The following COMMD10 variants were observed in gnomAD, a reference collection of about 807,000 sequenced individuals.
COMMD10 encodes the protein COMM domain-containing protein 10.
A neutral mutation model predicts 28.9 loss-of-function variants in COMMD10; 33 were observed. The ratio of observed to expected loss-of-function variants is 1.14; its 90% CI spans 0.87 to 1.53. The LOEUF (loss-of-function observed/expected upper bound fraction) is 1.53. COMMD10 is among the 40% of genes most tolerant of loss of function. The pLI is 0.00. For synonymous variants in COMMD10, 110 were observed against 81.7 expected, an observed-to-expected ratio of 1.35 and a Z score of -1.87; for missense variants, 310 against 233.4, an observed-to-expected ratio of 1.33 and a Z score of -2.14.
At chr5:116,202,009 G>A (rs964998009) in intron 5 of COMMD10, among the ~76,000 whole-genome samples, 5 of 151,142 alleles carry the variant, frequency 3.3e-5, no homozygotes, top group Non-Finnish European at 7.4e-5. Flanking sequence ...CTAGCATTAG[G>A]TATATCTCCT....
At chr5:116,283,070 C>T (rs1278353929) in intron 5 of COMMD10, among the ~76,000 whole-genome samples, 1 of 151,914 alleles carries the variant, frequency 6.6e-6, no homozygotes, top group East Asian at 1.9e-4. Flanking sequence ...CTTTATTCTC[C>T]CTTAAGCAGG....
chr5:116,112,196 A>G (rs1313603974), intron 4 of COMMD10, among the ~76,000 whole-genome samples: 1 of 152,112 alleles, frequency 6.6e-6, no homozygotes, highest in Non-Finnish European at 1.5e-5. Context: ...CTCGATGTAG[A>G]ACTCTTGACT....
At chr5:116,269,701 C>T (rs1040800745) in intron 5 of COMMD10, among the ~76,000 whole-genome samples, 4 of 151,600 alleles carry the variant, frequency 2.6e-5, no homozygotes, top group South Asian at 2.1e-4. Flanking sequence ...TCAACTTTTC[C>T]GTAAGCGCAC....
At chr5:116,127,875 T>C (rs780004384) in intron 4 of COMMD10, among the ~76,000 whole-genome samples, 3 of 152,084 alleles carry the variant, frequency 2.0e-5, no homozygotes, top group African/African-American at 7.2e-5. Context: ...TGTATACATA[T>C]GTCACAAACC....
chr5:116,199,277 T>C (rs10035646), intron 5 of COMMD10, among the ~76,000 whole-genome samples: 16,148 of 152,158 alleles, frequency 0.11, 958 homozygotes, highest in African/African-American at 0.15. Context: ...GGTTTCTGTT[T>C]AGGTTTTTGG....
At chr5:116,209,382 C>G (rs7707191) in intron 5 of COMMD10, among the ~76,000 whole-genome samples, 1 of 151,922 alleles carries the variant, frequency 6.6e-6, no homozygotes, top group Non-Finnish European at 1.5e-5. Context: ...TTTGGCGCAC[C>G]AAATCTGTAG....
At chr5:116,134,913 G>T (rs910745160) in intron 5 of COMMD10, among the ~76,000 whole-genome samples, 1 of 149,856 alleles carries the variant, frequency 6.7e-6, no homozygotes, top group African/African-American at 2.4e-5. Context: ...GAGCCACCGC[G>T]CCCGGCCTAC....
At chr5:116,270,032 T>C (rs1263608904) in intron 5 of COMMD10, among the ~76,000 whole-genome samples, 1 of 82,298 alleles carries the variant, frequency 1.2e-5, no homozygotes, top group African/African-American at 4.5e-5. Context: ...CTAAGGTTAG[T>C]AAATGGACAG....
At chr5:116,110,050 T>C (rs1171294369) in intron 4 of COMMD10, among the ~76,000 whole-genome samples, 1 of 152,222 alleles carries the variant, frequency 6.6e-6, no homozygotes, top group Non-Finnish European at 1.5e-5. Flanking sequence ...ATTTCTTCTA[T>C]GCCCAGTTTG....
chr5:116,205,118 G>A (rs1247790070), intron 5 of COMMD10, among the ~76,000 whole-genome samples: 1 of 152,072 alleles, frequency 6.6e-6, no homozygotes, highest in African/African-American at 2.4e-5. Context: ...GATCTGGTTT[G>A]TCCAAATCCA....
chr5:116,255,941 C>T (rs528576472), intron 5 of COMMD10: 37 of 151,606 alleles, frequency 2.4e-4, no homozygotes, highest in Non-Finnish European at 4.7e-4. Flanking sequence ...TGTTCAGAAA[C>T]GTTGCAGTTA....
intron 5 of COMMD10, among the ~76,000 whole-genome samples, chr5:116,264,872 C>T (rs1194067858): frequency 4.0e-5 from 6 of 151,806 alleles, no homozygotes; most frequent in African/African-American, 1.5e-4. Context: ...ATGTAAATGA[C>T]ATGCAGTCAT....
chr5:116,114,685 C>T (rs1012544240), intron 4 of COMMD10, among the ~76,000 whole-genome samples: 22 of 152,258 alleles, frequency 1.4e-4, no homozygotes, highest in Admixed American at 3.9e-4. Flanking sequence ...TGAAGTACTG[C>T]CATGATGGGA....
In COMMD10 at chr5:116,134,054, C is replaced by T; in HGVS notation, c.400-14C>T. On this transcript the variant is annotated splice_polypyrimidine_tract_variant and intron_variant, in intron 4 of 6. Coordinates refer to ENST00000274458, the MANE Select transcript of COMMD10 (RefSeq NM_016144.4). ...CTGTACCATCTGATTCCAATCTGCA[C>T]CTGTCTTTTATAGCTAGAGACCGTT... 1 of 1,443,670 alleles carries T rather than the reference C, an allele frequency of 6.9e-7. No individual in the cohort carries two copies. Among genetic ancestry groups the T allele is most frequent in the Non-Finnish European group, 9.8e-7 (1 of 1,022,308 alleles). 89.4% of individuals were successfully genotyped at this position (1,443,670 alleles called of 1,614,324 possible). A position where few individuals can be genotyped will look rare whatever the true frequency, so the allele number is the denominator to read the frequency against.
chr5:116,085,407 GGTGCTGCCTTCA>G (rs1383663452), intron 1 of COMMD10: 6 of 405,482 alleles, frequency 1.5e-5, no homozygotes, highest in Non-Finnish European at 2.2e-5. Context: ...GAAGTTCCCG[GGTGCTGCCTTCA>G]GTGCTGCCGA....
chr5:116,132,237 T>C (rs1029661199), intron 4 of COMMD10, among the ~76,000 whole-genome samples: 1 of 152,150 alleles, frequency 6.6e-6, no homozygotes, highest in African/African-American at 2.4e-5. Context: ...TTTATAATAC[T>C]TTATAGTTTC....
chr5:116,290,005 A>C (rs1396907784), intron 5 of COMMD10, among the ~76,000 whole-genome samples: 1 of 151,922 alleles, frequency 6.6e-6, no homozygotes, highest in African/African-American at 2.4e-5. Context: ...CACCACCTTA[A>C]AACAAAGCAA....
At chr5:116,244,491 A>G (rs1350366235) in intron 5 of COMMD10, among the ~76,000 whole-genome samples, 1 of 152,022 alleles carries the variant, frequency 6.6e-6, no homozygotes, top group African/African-American at 2.4e-5. Flanking sequence ...TTAAATTAAA[A>G]TACAATGATA....
intron 5 of COMMD10, among the ~76,000 whole-genome samples, chr5:116,287,729 T>A (rs1751256247): frequency 6.6e-6 from 1 of 151,706 alleles, no homozygotes; most frequent in Non-Finnish European, 1.5e-5. Context: ...TTGTGTGTAT[T>A]CTACAGATAT....
Sources: gnomAD v4.1 joint callset for allele counts (sites outside exome capture counted in the v4.1 genomes callset) on GRCh38, gnomAD v4.1.1 for gene constraint, MANE v1.5 for transcripts, NCBI Gene and HGNC (gene_info 2026-07-23, HGNC 2026-07-21) for gene names.